The following SAMD5 variants were observed in gnomAD, a reference collection of about 807,000 sequenced individuals.
SAMD5 encodes sterile alpha motif domain containing 5, also known as sterile alpha motif domain-containing protein 5.
In SAMD5, 13 loss-of-function variants were observed where a neutral mutation model predicts 11.3. The observed-to-expected ratio is 1.15, with a 90% confidence interval of 0.75 to 1.83. The LOEUF (loss-of-function observed/expected upper bound fraction) is 1.83. SAMD5 is among the 40% of genes most tolerant of loss of function. The pLI is 0.00. For missense variants in SAMD5, 255 were observed against 239.1 expected (o/e 1.07, Z -0.44); for synonymous variants, 129 against 111.3 (o/e 1.16, Z -1.00).
intron 1 of SAMD5, among the ~76,000 whole-genome samples, chr6:147,703,429 T>A (rs1327933658): frequency 6.6e-6 from 1 of 152,218 alleles, no homozygotes; most frequent in Non-Finnish European, 1.5e-5. Flanking sequence ...CTGCATTTCA[T>A]TTGGTCCCTA....
At chr6:147,751,676 G>T in the SAMD5 span, among the ~76,000 whole-genome samples, 1 of 152,160 alleles carries the variant, frequency 6.6e-6, no homozygotes, top group Non-Finnish European at 1.5e-5. Context: ...TAAAAAAATG[G>T]ATCAAACCAG....
At chr6:147,803,678 A>T in the SAMD5 span, among the ~76,000 whole-genome samples, 1 of 152,204 alleles carries the variant, frequency 6.6e-6, no homozygotes, top group Non-Finnish European at 1.5e-5. Context: ...TAGACAAGAC[A>T]TTTGACCCAT....
At chr6:147,915,798 A>G in the SAMD5 span, among the ~76,000 whole-genome samples, 1 of 152,138 alleles carries the variant, frequency 6.6e-6, no homozygotes, top group African/African-American at 2.4e-5. Flanking sequence ...CATGTGCACA[A>G]TGTGCAGGTT....
chr6:147,837,115 A>T, the SAMD5 span, among the ~76,000 whole-genome samples: 2 of 152,174 alleles, frequency 1.3e-5, 1 homozygote, highest in South Asian at 4.1e-4. Flanking sequence ...TATTGTCTCG[A>T]TAATTATTTT....
chr6:147,756,560 T>C, the SAMD5 span, among the ~76,000 whole-genome samples: 1 of 152,224 alleles, frequency 6.6e-6, no homozygotes, highest in Non-Finnish European at 1.5e-5. Context: ...TGTAGAAATT[T>C]TTCTTGCAAC....
chr6:147,715,692 A>G (rs1056838791), intron 1 of SAMD5, among the ~76,000 whole-genome samples: 1 of 152,188 alleles, frequency 6.6e-6, no homozygotes, highest in African/African-American at 2.4e-5. Flanking sequence ...AGAATGAAGT[A>G]TGTGGATAAG....
At chr6:147,576,142 C>CTTT (rs34576408) in intron 1 of SAMD5, among the ~76,000 whole-genome samples, 1 of 141,494 alleles carries the variant, frequency 7.1e-6, no homozygotes. Flanking sequence ...ATATTTTAAA[C>CTTT]TTTTTTTTTT....
intron 1 of SAMD5, among the ~76,000 whole-genome samples, chr6:147,706,944 G>C (rs1244696080): frequency 6.6e-6 from 1 of 152,186 alleles, no homozygotes; most frequent in African/African-American, 2.4e-5. Context: ...CTGAGGTTGA[G>C]ATATGTGATC....
At chr6:147,739,031 G>C (rs867776548), downstream of SAMD5, among the ~76,000 whole-genome samples, 1 of 152,182 alleles carries the variant, frequency 6.6e-6, no homozygotes, top group African/African-American at 2.4e-5. Context: ...GATCCTTGGT[G>C]GTTTCATCAG....
the SAMD5 span, among the ~76,000 whole-genome samples, chr6:147,751,759 GCTAA>G: frequency 6.6e-6 from 1 of 152,140 alleles, no homozygotes; most frequent in Non-Finnish European, 1.5e-5. Flanking sequence ...CTGGTGAGAC[GCTAA>G]CTCTCTTCTT....
chr6:147,584,114 G>A (rs1317424858), intron 1 of SAMD5, among the ~76,000 whole-genome samples: 1 of 152,050 alleles, frequency 6.6e-6, no homozygotes, highest in Non-Finnish European at 1.5e-5. Flanking sequence ...TCCTATCTCT[G>A]ATTGGTGTGA....
the SAMD5 span, among the ~76,000 whole-genome samples, chr6:147,762,397 C>T: frequency 6.6e-6 from 1 of 151,934 alleles, no homozygotes; most frequent in African/African-American, 2.4e-5. Context: ...CGGGGTGTCA[C>T]CATGTTGGCC....
chr6:147,787,495 C>T, the SAMD5 span, among the ~76,000 whole-genome samples: 1 of 152,124 alleles, frequency 6.6e-6, no homozygotes, highest in Non-Finnish European at 1.5e-5. Flanking sequence ...AAGAGATCCA[C>T]AAATAGAGCC....
chr6:147,824,519 G>A, the SAMD5 span, among the ~76,000 whole-genome samples: 2 of 152,270 alleles, frequency 1.3e-5, no homozygotes, highest in Admixed American at 6.5e-5. Context: ...AGCGCTCCTT[G>A]ATGTGCTCAG....
the SAMD5 span, among the ~76,000 whole-genome samples, chr6:147,865,055 G>A: frequency 5.9e-5 from 9 of 152,148 alleles, no homozygotes; most frequent in Non-Finnish European, 8.8e-5. Flanking sequence ...AAAATATATT[G>A]CTTCCCAAAC....
chr6:147,588,372 G>A (rs1214710830), intron 1 of SAMD5, among the ~76,000 whole-genome samples: 3 of 142,818 alleles, frequency 2.1e-5, no homozygotes, highest in Non-Finnish European at 4.5e-5. Flanking sequence ...GGAGTGCAGT[G>A]GCATGATCTT....
At chr6:147,802,565 A>G in the SAMD5 span, among the ~76,000 whole-genome samples, 2 of 151,194 alleles carry the variant, frequency 1.3e-5, no homozygotes, top group African/African-American at 4.8e-5. Context: ...GGGTAGAGAA[A>G]GAAGAAAGGA....
At chr6:147,671,923 G>A (rs1209568459) in intron 1 of SAMD5, among the ~76,000 whole-genome samples, 1 of 87,716 alleles carries the variant, frequency 1.1e-5, no homozygotes, top group East Asian at 3.2e-4. Context: ...AGCTCATCTT[G>A]CACATTTACC....
chr6:147,881,811 G>A, the SAMD5 span, among the ~76,000 whole-genome samples: 1 of 152,154 alleles, frequency 6.6e-6, no homozygotes, highest in Non-Finnish European at 1.5e-5. Context: ...TGTGACTTTA[G>A]CAATGCCCTC....
Sources: gnomAD v4.1 joint callset for allele counts (sites outside exome capture counted in the v4.1 genomes callset) on GRCh38, gnomAD v4.1.1 for gene constraint, MANE v1.5 for transcripts, NCBI Gene and HGNC (gene_info 2026-07-23, HGNC 2026-07-21) for gene names.